SPEG: variants seen among roughly 807,000 people sequenced by gnomAD.
The protein encoded by SPEG is striated muscle enriched protein kinase.
Under a neutral mutation model 300.4 loss-of-function variants are expected in SPEG, and 114 were observed. The observed-to-expected ratio is 0.38, with a 90% CI of 0.33 to 0.44. The LOEUF (loss-of-function observed/expected upper bound fraction) is 0.44. Ranked by LOEUF, SPEG falls within the 20% of genes least tolerant of loss-of-function variation. The probability of loss-of-function intolerance (pLI) is 1.00; values close to 1 mark genes in which losing one functional copy is unlikely to be tolerated. For missense variants in SPEG, 4,201 were observed against 4,586.2 expected (o/e 0.92, Z 2.43); for synonymous variants, 1,964 against 2,018.9 (o/e 0.97, Z 0.73).
rs1691050353 is a variant in SPEG at position 219,464,359 on chromosome 2, T to C, written c.2706-74T>C. ...CACAGGGAAGGAGAGGCCTGCACAG[T>C]GCTGCAGCCCCAGTTCCTGTGCACG... On this transcript the variant is annotated intron_variant, in intron 8 of 40. Coordinates refer to ENST00000312358, the MANE Select transcript of SPEG (RefSeq NM_005876.5). This position sits in a 1 kb window ranked among gnomAD's most constrained non-coding sequence, Gnocchi z 4.5. 1 of 1,460,682 alleles carries C rather than the reference T, an allele frequency of 6.8e-7. No individual in the cohort carries two copies. Among genetic ancestry groups the C allele is most frequent in the Non-Finnish European group, 9.3e-7 (1 of 1,073,316 alleles). 90.5% of individuals were successfully genotyped at this position (1,460,682 alleles called of 1,614,324 possible).
chr2:219,448,881 G>C lies in SPEG; in HGVS notation c.1723G>C (p.Gly575Arg). Reference sequence around the variant, plus strand: ...CGAGCCTGGGAGGCCCAGGAGCCGCGGGCCGGCGGGCAGGACAGAGCCGGG... The same window carrying C: ...CGAGCCTGGGAGGCCCAGGAGCCGCCGGCCGGCGGGCAGGACAGAGCCGGG... ...GDEPGRPRSR[G>R]PAGRTEPGEG... Residue 575 changes from glycine to arginine, a missense_variant, in exon 4 of 41, where the codon GGG (glycine) becomes CGG (arginine). This residue lies in a region of SPEG where 1,258 missense variants were observed against 1,293.9 expected (regional missense o/e 0.97). Coordinates refer to ENST00000312358, the MANE Select transcript of SPEG (RefSeq NM_005876.5). 2 of 1,409,674 alleles carry C rather than the reference G, an allele frequency of 1.4e-6. No homozygotes were observed. The highest frequency in any genetic ancestry group is 3.1e-5 in the South Asian group (2 of 64,990). 87.3% of individuals were successfully genotyped at this position (1,409,674 alleles called of 1,614,324 possible). A position where few individuals can be genotyped will look rare whatever the true frequency, so the allele number is the denominator to read the frequency against.
rs898727399 is a variant in SPEG, at chr2:219,443,365, C to G, written c.389-1288C>G. The G allele has an allele frequency of 1.1e-5, 7 of 612,702 alleles. No individual in the cohort carries two copies. The Admixed American group carries it at 1.8e-4, about 16-fold the overall frequency. The allele number at this position is 612,702 out of a possible 1,614,324, so 38.0% of individuals were successfully genotyped here. On this transcript the variant is annotated intron_variant, in intron 1 of 40. Transcript: ENST00000312358. This position sits in a 1 kb window ranked among gnomAD's most constrained non-coding sequence, Gnocchi z 4.6. ...AAGGGAGGGCGGCTCACTAGCACAC[C>G]CCTGCATGGACTGGGTGCCCTGTTC...
At chr2:219,462,435 T>C in intron 8 of SPEG, 49 bp downstream of exon 8, 1 of 1,472,996 alleles carries the variant, frequency 6.8e-7, no homozygotes, top group African/African-American at 1.4e-5. Flanking sequence ...ATGCCAGGCC[T>C]GGCTCTGGGA....
rs1198523757 is a variant in SPEG, at chr2:219,483,087, C to T, written c.5635-11C>T. ...GGTCCCTCAGGTCTGACTCCAGTAC[C>T]CTGTCTCCAGCGCTCCCAGATCAGC... On this transcript the variant is annotated splice_polypyrimidine_tract_variant and intron_variant, in intron 29 of 40. Transcript: ENST00000312358. 6.2e-7 allele frequency: 1 copy of T among 1,601,998 alleles called. No homozygotes were observed. The highest frequency in any genetic ancestry group is 1.3e-5 in the African/African-American group (1 of 74,810).
chr2:219,477,237 G>A lies in SPEG; in HGVS notation c.4561-40G>A. The A allele has an allele frequency of 1.2e-6, 1 of 812,116 alleles. No individual in the cohort carries two copies. 50.3% of individuals were successfully genotyped at this position (812,116 alleles called of 1,614,324 possible). On this transcript the variant is annotated intron_variant, in intron 19 of 40. Coordinates refer to ENST00000312358, the MANE Select transcript of SPEG (RefSeq NM_005876.5). This position sits in a 1 kb window ranked among gnomAD's most constrained non-coding sequence, Gnocchi z 6.4. The stretch of plus-strand genomic sequence containing the variant: ...GAGGCCCTGGCCCCAAGGTAGAGAT[G>A]AGGCCAGGCCCAGGCTGAAGGTGAG...
chr2:219,449,081 G>C lies in SPEG; in HGVS notation c.1923G>C (p.Leu641=), dbSNP rs773163310. 8.6e-6 allele frequency: 13 copies of C among 1,513,862 alleles called. No individual in the cohort carries two copies. In the Admixed American group the frequency reaches 2.6e-4, roughly 30 times the overall value. The allele number at this position is 1,513,862 out of a possible 1,614,324, so 93.8% of individuals were successfully genotyped here. A position where few individuals can be genotyped will look rare whatever the true frequency, so the allele number is the denominator to read the frequency against. ...REPPAQAVRF[L]PWATPGLEGA... ...CCCCGGCGCAGGCCGTGCGCTTCCT[G>C]CCCTGGGCCACGCCGGGCCTGGAGG... Residue 641 remains leucine, a synonymous_variant, in exon 4 of 41, where the codon CTG becomes CTC. Coordinates refer to ENST00000312358, the MANE Select transcript of SPEG (RefSeq NM_005876.5).
rs1033170053 is a variant in SPEG, at chr2:219,445,501, C to T, written c.815+340C>T. On this transcript the variant is annotated intron_variant, in intron 3 of 40. Coordinates refer to ENST00000312358, the MANE Select transcript of SPEG (RefSeq NM_005876.5). The surrounding 1 kb of genome is among the most constrained non-coding windows in gnomAD (Gnocchi z 6.1). Reference sequence around the variant, plus strand: ...GGCTCCAGTTGTCCCCAGGATCCCTCCCCCGACCCGGGGGCCCCCTTGGTG... The same window carrying T: ...GGCTCCAGTTGTCCCCAGGATCCCTTCCCCGACCCGGGGGCCCCCTTGGTG... The T allele has an allele frequency of 7.9e-6, 3 of 380,442 alleles. No individual in the cohort carries two copies. The Middle Eastern group carries it at 2.3e-3, about 289-fold the overall frequency. 23.6% of individuals were successfully genotyped at this position (380,442 alleles called of 1,614,324 possible).
Position 219,479,261 on chromosome 2 carries a change from G to A in SPEG, c.5085+60G>A. ...ACCAGCCTTCACCCACCTGAGCTTT[G>A]AGAACCAACAAATGGGTCCTGAGTG... On this transcript the variant is annotated intron_variant, in intron 23 of 40. Coordinates refer to ENST00000312358, the MANE Select transcript of SPEG (RefSeq NM_005876.5). The surrounding 1 kb of genome is among the most constrained non-coding windows in gnomAD (Gnocchi z 5.5). 2 of 1,464,372 alleles carry A rather than the reference G, an allele frequency of 1.4e-6. No homozygotes were observed. The highest frequency in any genetic ancestry group is 1.9e-6 in the Non-Finnish European group (2 of 1,050,202). 90.7% of individuals were successfully genotyped at this position (1,464,372 alleles called of 1,614,324 possible). A position where few individuals can be genotyped will look rare whatever the true frequency, so the allele number is the denominator to read the frequency against.
intron 6 of SPEG, among the ~76,000 whole-genome samples, chr2:219,454,006 G>T (rs1689973506): frequency 6.6e-6 from 1 of 152,192 alleles, no homozygotes; most frequent in Admixed American, 6.5e-5. Flanking sequence ...GAGGCAGTGG[G>T]CAGTGTATTG....
rs1227867837 is a variant in SPEG, at chr2:219,466,918, TCTCAGTTTCCCCTCC to T, written c.2882-248_2882-234del. The T allele has an allele frequency of 7.8e-6, 9 of 1,149,922 alleles. No homozygotes were observed. The East Asian group carries it at 2.6e-4, about 33-fold the overall frequency. The allele number at this position is 1,149,922 out of a possible 1,614,324, so 71.2% of individuals were successfully genotyped here. On this transcript the variant is annotated intron_variant, in intron 9 of 40. Transcript: ENST00000312358. The stretch of plus-strand genomic sequence containing the variant: ...CGATGTCTCTGCCACCACGTGGCCC[TCTCAGTTTCCCCTCC>T]CTCAGTTCCCTCTTGCCTCCATGAA...
chr2:219,465,946 C>CGTGCATGTGTGCGT (rs1559391209), intron 9 of SPEG: 1 of 883,362 alleles, frequency 1.1e-6, no homozygotes, highest in East Asian at 2.7e-5. Context: ...TGCACGTGTG[C>CGTGCATGTGTGCGT]GTGCATGTGT....
chr2:219,481,310 A>T lies in SPEG; in HGVS notation c.5376A>T (p.Thr1792=). 6.2e-7 allele frequency: 1 copy of T among 1,613,908 alleles called. No homozygotes were observed. Among genetic ancestry groups the T allele is most frequent in the Non-Finnish European group, 8.5e-7 (1 of 1,179,960 alleles). Residue 1792 remains threonine (T), a synonymous_variant, in exon 27 of 41, where the codon ACA becomes ACT. Coordinates refer to ENST00000312358, the MANE Select transcript of SPEG (RefSeq NM_005876.5). This position sits in a 1 kb window ranked among gnomAD's most constrained non-coding sequence, Gnocchi z 5.4. ...PVGVVAFLCL[T]GISPFVGEND... is the part of the protein sequence containing the mutation. ...GCCCTCTTCACCCCTGCAGTCTGAC[A>T]GGAATCTCCCCGTTTGTTGGGGAAA...
chr2:219,439,596 G>A lies in SPEG; in HGVS notation c.388+4231G>A, dbSNP rs1442059581. ...GCAGAAATTGGAAGTCTGGGTTTGG[G>A]GGAGTGGCAGGGAGACACAGCTGCC... On this transcript the variant is annotated intron_variant, in intron 1 of 40. Coordinates refer to ENST00000312358, the MANE Select transcript of SPEG (RefSeq NM_005876.5). This position sits in a 1 kb window ranked among gnomAD's most constrained non-coding sequence, Gnocchi z 4.5. 3.9e-5 allele frequency among the ~76,000 whole-genome samples: 6 copies of A among 152,116 alleles called. No homozygotes were observed. Among genetic ancestry groups the A allele is most frequent in the South Asian group, 4.1e-4 (2 of 4,824 alleles).
chr2:219,442,997 C>T, intron 1 of SPEG: 1 of 879,016 alleles, frequency 1.1e-6, no homozygotes, highest in Non-Finnish European at 1.8e-6. Context: ...CTCACACACA[C>T]ACTGGCCAGG....
chr2:219,472,843 G>T lies in SPEG; in HGVS notation c.3941-47G>T, dbSNP rs535836828. 8 of 1,505,944 alleles carry T rather than the reference G, an allele frequency of 5.3e-6. No homozygotes were observed. The Admixed American group carries it at 1.4e-4, about 26-fold the overall frequency. The allele number at this position is 1,505,944 out of a possible 1,614,324, so 93.3% of individuals were successfully genotyped here. ...TCCCGGGCCAGCTGGATGGGGAGGG[G>T]TTACTGCTCCTGCAACAGCAGCCTC... On this transcript the variant is annotated intron_variant, in intron 15 of 40. Coordinates refer to ENST00000312358, the MANE Select transcript of SPEG (RefSeq NM_005876.5).
Position 219,444,873 on chromosome 2 carries a change from C to T in SPEG, c.527C>T (p.Ser176Phe). Reference protein sequence around the residue: ...VGTSLDTPPTSVTGTSEEQVS... With the variant: ...VGTSLDTPPTFVTGTSEEQVS... ...ACCTCCCTGGACACACCCCCGACCT[C>T]CGTGACAGGCACCTCAGAGGAGCAA... Residue 176 changes from serine to phenylalanine, a missense_variant, in exon 3 of 41, where the codon TCC (serine) becomes TTC (phenylalanine). Around this residue, in one of 4 missense-constraint regions of SPEG, gnomAD observed 1,258 missense variants for 1,293.9 expected, o/e 0.97. Coordinates refer to ENST00000312358, the MANE Select transcript of SPEG (RefSeq NM_005876.5). The surrounding 1 kb of genome is among the most constrained non-coding windows in gnomAD (Gnocchi z 7.8). The T allele has an allele frequency of 1.9e-6, 3 of 1,569,162 alleles. No individual in the cohort carries two copies. The highest frequency in any genetic ancestry group is 2.6e-6 in the Non-Finnish European group (3 of 1,157,084).
At chr2:219,447,878 G>T (rs1689434577) in intron 3 of SPEG, 96 bp from the exon 4 acceptor site, 4 of 1,189,522 alleles carry the variant, frequency 3.4e-6, no homozygotes, top group Non-Finnish European at 2.4e-6. Context: ...CCCCAAGCCT[G>T]CCCAGCATGC....
Position 219,443,046 on chromosome 2 carries a change from G to C in SPEG, c.389-1607G>C, listed in dbSNP as rs1290197205. 2.9e-6 allele frequency: 4 copies of C among 1,399,218 alleles called. No homozygotes were observed. The highest frequency in any genetic ancestry group is 4.0e-6 in the Non-Finnish European group (4 of 1,000,472). The allele number at this position is 1,399,218 out of a possible 1,614,324, so 86.7% of individuals were successfully genotyped here. On this transcript the variant is annotated intron_variant, in intron 1 of 40. Transcript: ENST00000312358. This position sits in a 1 kb window ranked among gnomAD's most constrained non-coding sequence, Gnocchi z 4.6. The stretch of plus-strand genomic sequence containing the variant: ...CTTGATGTTGCAGGTCTGGATGGGA[G>C]GCACAGGGACCTTAGGAACAAGCCT...
At position 219,484,085 on chromosome 2, in the gene SPEG, C is replaced by A. The variant is rs1366841530; in HGVS notation, c.6622C>A (p.Pro2208Thr). ...TAGTGATGCTCCGCAGCCCCCCGCA[C>A]CCCAGCCTGCCCAAGACAAGGCTCC... Reference protein sequence around the residue: ...TPSDAPQPPAPQPAQDKAPEP... With the variant: ...TPSDAPQPPATQPAQDKAPEP... The change falls in exon 30 of 41, where the codon CCC (proline) becomes ACC (threonine). Residue 2208 changes from proline (P) to threonine (T), a missense_variant. Transcript: ENST00000312358. 6.2e-7 allele frequency: 1 copy of A among 1,613,668 alleles called. No individual in the cohort carries two copies. Among genetic ancestry groups the A allele is most frequent in the Admixed American group, 1.7e-5 (1 of 60,014 alleles).
Sources: gnomAD v4.1 joint callset for allele counts (sites outside exome capture counted in the v4.1 genomes callset) on GRCh38, gnomAD v4.1.1 for gene constraint, gnomAD v4.1.1 regional missense constraint, Gnocchi (gnomAD v3.1) non-coding constraint, MANE v1.5 for transcripts, NCBI Gene and HGNC (gene_info 2026-07-23, HGNC 2026-07-21) for gene names.